Variants in HIBCH observed in about 807,000 individuals in gnomAD.
HIBCH encodes the protein 3-hydroxyisobutyryl-CoA hydrolase.
HIBCH carries 50 observed loss-of-function variants against 58.2 expected under a neutral mutation model. The ratio of observed to expected loss-of-function variants is 0.86; its 90% confidence interval spans 0.68 to 1.09. The LOEUF (loss-of-function observed/expected upper bound fraction) is 1.09. Ranked by LOEUF, HIBCH falls within the 50% of genes least tolerant of loss-of-function variation. HIBCH has a pLI of 0.00. For missense variants in HIBCH, 450 were observed against 449.7 expected, an observed-to-expected ratio of 1.00 and a Z score of -0.01; for synonymous variants, 151 against 146.9, an observed-to-expected ratio of 1.03 and a Z score of -0.20.
intron 11 of HIBCH, among the ~76,000 whole-genome samples, chr2:190,230,649 C>CGGCA (rs2105919591): frequency 6.6e-6 from 1 of 152,306 alleles, no homozygotes; most frequent in South Asian, 2.1e-4. Context: ...GAGCCAAGAT[C>CGGCA]GTGCCGCTGC....
intron 4 of HIBCH, among the ~76,000 whole-genome samples, chr2:190,293,866 A>G (rs183791627): frequency 6.6e-6 from 1 of 152,008 alleles, no homozygotes; most frequent in African/African-American, 2.4e-5. Flanking sequence ...TGCTGAGAAC[A>G]GACATTTCTT....
At chr2:190,240,812 G>A (rs1219127021) in intron 11 of HIBCH, among the ~76,000 whole-genome samples, 1 of 152,198 alleles carries the variant, frequency 6.6e-6, no homozygotes, top group Non-Finnish European at 1.5e-5. Flanking sequence ...TTAATCCTGA[G>A]TTCTAATTTG....
chr2:190,223,511 C>T (rs1427547666), intron 11 of HIBCH, among the ~76,000 whole-genome samples: 1 of 152,166 alleles, frequency 6.6e-6, no homozygotes, highest in South Asian at 2.1e-4. Context: ...AAAACAGAGT[C>T]AAGGAAAGGC....
At chr2:190,226,749 A>G (rs1408122362) in intron 11 of HIBCH, among the ~76,000 whole-genome samples, 1 of 152,230 alleles carries the variant, frequency 6.6e-6, no homozygotes, top group African/African-American at 2.4e-5. Flanking sequence ...ACAAAAATCA[A>G]TGTGCAAATA....
At chr2:190,259,319 ATGTGTGTGTGTGTGTGTGTG>A (rs370172555) in intron 7 of HIBCH, among the ~76,000 whole-genome samples, 13 of 122,116 alleles carry the variant, frequency 1.1e-4, no homozygotes, top group Non-Finnish European at 1.5e-4. Context: ...CAGTATACAG[ATGTGTGTGTGTGTGTGTGTG>A]TGTGTGTGTG....
chr2:190,296,136 T>TCTGGC (rs1688096513), intron 3 of HIBCH, among the ~76,000 whole-genome samples: 1 of 152,146 alleles, frequency 6.6e-6, no homozygotes, highest in South Asian at 2.1e-4. Flanking sequence ...AAAGCAGCTG[T>TCTGGC]CTGGCCGGGT....
intron 2 of HIBCH, among the ~76,000 whole-genome samples, chr2:190,303,270 G>GAC (rs1688317067): frequency 6.6e-6 from 1 of 152,088 alleles, no homozygotes; most frequent in Non-Finnish European, 1.5e-5. Context: ...AGAAAGCCAT[G>GAC]ACACTCAGCA....
intron 4 of HIBCH, 116 bp from the exon 5 acceptor site, chr2:190,290,601 T>C: frequency 2.7e-6 from 2 of 729,986 alleles, no homozygotes; most frequent in South Asian, 3.2e-5. Flanking sequence ...TAAAATGACT[T>C]GTTAAAAGTT....
rs1370453272 is a variant in HIBCH, at chr2:190,249,674, T to C, written c.716A>G (p.Asn239Ser). 6.2e-7 allele frequency: 1 copy of C among 1,608,274 alleles called. No individual in the cohort carries two copies. The highest frequency in any genetic ancestry group is 8.5e-7 in the Non-Finnish European group (1 of 1,175,108). Residue 239 changes from asparagine to serine, a missense_variant, in exon 9 of 14, where the codon AAT becomes AGT. Transcript: ENST00000359678. Reference sequence around the variant, plus strand: ...GTAATTTTCTAAGACAGATGCAATATTTTCTTTTGAAGGAGATTTCAAGGC... The same window carrying C: ...GTAATTTTCTAAGACAGATGCAATACTTTCTTTTGAAGGAGATTTCAAGGC... The part of the protein sequence containing the change: ...LLALKSPSKE[N>S]IASVLENYHT...
chr2:190,241,307 C>A (rs1686448220), intron 11 of HIBCH, among the ~76,000 whole-genome samples: 1 of 152,096 alleles, frequency 6.6e-6, no homozygotes, highest in South Asian at 2.1e-4. Flanking sequence ...TTTTTGCTTT[C>A]CATTTGCTTG....
chr2:190,317,893 G>A (rs1336593703), intron 1 of HIBCH, among the ~76,000 whole-genome samples: 2 of 150,122 alleles, frequency 1.3e-5, no homozygotes, highest in East Asian at 1.9e-4. Context: ...GCATGATCTC[G>A]GCTCACTGCA....
At chr2:190,233,032 G>T (rs2105921884) in intron 11 of HIBCH, among the ~76,000 whole-genome samples, 1 of 152,160 alleles carries the variant, frequency 6.6e-6, no homozygotes, top group South Asian at 2.1e-4. Flanking sequence ...CCTTCTAGTG[G>T]GTTGCCAAAC....
chr2:190,232,598 C>G (rs1004268236), intron 11 of HIBCH, among the ~76,000 whole-genome samples: 1 of 152,188 alleles, frequency 6.6e-6, no homozygotes, highest in Non-Finnish European at 1.5e-5. Context: ...TCTTTTGCTA[C>G]AAGAGTACAA....
chr2:190,279,331 C>T lies in HIBCH; in HGVS notation c.438+8255G>A, dbSNP rs530156456. ...TTTCGGTGGGGACAAATATTCAAAC[C>T]GTAGCATTCCATCCCTGACCTCCCA... On this transcript the variant is annotated intron_variant, in intron 6 of 13. Transcript: ENST00000359678. The surrounding 1 kb of genome is among the most constrained non-coding windows in gnomAD (Gnocchi z 4.2). Among the ~76,000 whole-genome samples, 12 of 152,252 alleles carry T rather than the reference C, an allele frequency of 7.9e-5. No individual in the cohort carries two copies. The highest frequency in any genetic ancestry group is 3.3e-4 in the Admixed American group (5 of 15,294).
At chr2:190,289,197 CT>C (rs951371403) in intron 5 of HIBCH, among the ~76,000 whole-genome samples, 24 of 151,800 alleles carry the variant, frequency 1.6e-4, no homozygotes, top group Non-Finnish European at 2.6e-4. Flanking sequence ...GAGTATACAG[CT>C]TTTTTCATCA....
chr2:190,262,432 TCAC>T, intron 6 of HIBCH, among the ~76,000 whole-genome samples: 1 of 152,190 alleles, frequency 6.6e-6, no homozygotes, highest in South Asian at 2.1e-4. Context: ...AAATGTCTCT[TCAC>T]CACATTTTCA....
At chr2:190,316,480 GAA>G in intron 1 of HIBCH, among the ~76,000 whole-genome samples, 2 of 152,124 alleles carry the variant, frequency 1.3e-5, no homozygotes, top group Middle Eastern at 3.4e-3. Flanking sequence ...TTAAAAAGAA[GAA>G]AAACAGAAAA....
chr2:190,264,136 T>C (rs1019941555), intron 6 of HIBCH, among the ~76,000 whole-genome samples: 1 of 152,180 alleles, frequency 6.6e-6, no homozygotes, highest in Non-Finnish European at 1.5e-5. Flanking sequence ...CTCCAGTGAC[T>C]TCCCTTCACA....
intron 2 of HIBCH, among the ~76,000 whole-genome samples, chr2:190,302,652 AG>A (rs1688295886): frequency 6.6e-6 from 1 of 152,164 alleles, no homozygotes; most frequent in African/African-American, 2.4e-5. Context: ...GTGGCTAATA[AG>A]GGAGGAGGTA....
Sources: allele counts gnomAD v4.1 joint callset (sites outside exome capture counted in the v4.1 genomes callset), GRCh38; gene constraint gnomAD v4.1.1; non-coding constraint Gnocchi (gnomAD v3.1); transcripts MANE v1.5; gene names NCBI Gene and HGNC (gene_info 2026-07-23, HGNC 2026-07-21).